The following PAG1 variants were observed in gnomAD, a reference collection of about 807,000 sequenced individuals.
PAG1 encodes the protein phosphoprotein membrane anchor with glycosphingolipid microdomains 1.
Under a neutral mutation model 31.7 loss-of-function variants are expected in PAG1, and 23 were observed. The observed-to-expected ratio is 0.73, with a 90% confidence interval of 0.52 to 1.03. The LOEUF is 1.03. Among genes scored for constraint, PAG1 ranks in the 50% least tolerant of loss-of-function variants. The probability of loss-of-function intolerance (pLI) is 0.00; values close to 1 mark genes in which losing one functional copy is unlikely to be tolerated. For synonymous variants in PAG1, 214 were observed against 210.3 expected (o/e 1.02, Z -0.15); for missense variants, 473 against 540.7 (o/e 0.87, Z 1.24).
chr8:81,028,978 G>T (rs1320344493), intron 3 of PAG1, among the ~76,000 whole-genome samples: 1 of 152,200 alleles, frequency 6.6e-6, no homozygotes, highest in Non-Finnish European at 1.5e-5. Flanking sequence ...GGGCTAGGTA[G>T]TATCAACCAT....
chr8:81,107,788 C>A (rs79960016), intron 1 of PAG1, among the ~76,000 whole-genome samples: 1 of 152,200 alleles, frequency 6.6e-6, no homozygotes, highest in South Asian at 2.1e-4. Context: ...CAGCAATGAG[C>A]GAGCCCTCAG....
chr8:81,025,622 G>A (rs886336524), intron 3 of PAG1, among the ~76,000 whole-genome samples: 1 of 152,178 alleles, frequency 6.6e-6, no homozygotes, highest in African/African-American at 2.4e-5. Context: ...CACCAGTGAA[G>A]AAGCTGTAAA....
intron 2 of PAG1, among the ~76,000 whole-genome samples, chr8:81,052,129 C>CA (rs769477091): frequency 0.016 from 1,156 of 73,916 alleles, 7 homozygotes; most frequent in Middle Eastern, 0.042. Flanking sequence ...GACTCCATCT[C>CA]AAAAAAAAAA....
At chr8:81,011,193 T>C (rs1807977198) in intron 3 of PAG1, among the ~76,000 whole-genome samples, 2 of 152,218 alleles carry the variant, frequency 1.3e-5, no homozygotes, top group Non-Finnish European at 2.9e-5. Flanking sequence ...TTTGCAGCTA[T>C]AACTAAGGCA....
At chr8:81,041,968 C>T (rs936124953) in intron 2 of PAG1, among the ~76,000 whole-genome samples, 8 of 152,164 alleles carry the variant, frequency 5.3e-5, no homozygotes, top group Non-Finnish European at 7.3e-5. Flanking sequence ...GGTGGTCCCC[C>T]AAAGGGTGCA....
chr8:81,061,845 C>T (rs1356878635), intron 2 of PAG1, among the ~76,000 whole-genome samples: 3 of 152,042 alleles, frequency 2.0e-5, no homozygotes, highest in South Asian at 2.1e-4. Flanking sequence ...AGCCCGTAAG[C>T]GGAGATCTGA....
intron 5 of PAG1, 63 bp downstream of exon 5, chr8:80,991,416 G>A: frequency 6.3e-6 from 8 of 1,275,624 alleles, no homozygotes; most frequent in Non-Finnish European, 9.2e-6. Context: ...AGCACACTTA[G>A]ATAAGTAGCT....
At chr8:80,988,390 C>T (rs1178497140) in intron 5 of PAG1, among the ~76,000 whole-genome samples, 1 of 152,218 alleles carries the variant, frequency 6.6e-6, no homozygotes, top group Admixed American at 6.5e-5. Flanking sequence ...TTAGAACCAG[C>T]AAAGCCTCTG....
intron 2 of PAG1, among the ~76,000 whole-genome samples, chr8:81,044,414 T>C (rs909897979): frequency 2.6e-5 from 4 of 152,148 alleles, no homozygotes; most frequent in African/African-American, 4.8e-5. Context: ...TCTGAAGCCA[T>C]AGGCAAAGGC....
intron 1 of PAG1, among the ~76,000 whole-genome samples, chr8:81,085,489 A>G (rs768994617): frequency 6.6e-6 from 1 of 152,242 alleles, no homozygotes; most frequent in Non-Finnish European, 1.5e-5. Context: ...TTCCTAGAAT[A>G]ACAAGAGTCC....
chr8:81,001,582 C>G (rs887568126), intron 3 of PAG1, among the ~76,000 whole-genome samples: 1 of 152,036 alleles, frequency 6.6e-6, no homozygotes, highest in Non-Finnish European at 1.5e-5. Flanking sequence ...CCAAGAGGCT[C>G]GCTACATACC....
At chr8:81,009,971 A>G (rs774753328) in intron 3 of PAG1, among the ~76,000 whole-genome samples, 3 of 152,160 alleles carry the variant, frequency 2.0e-5, no homozygotes, top group Non-Finnish European at 2.9e-5. Flanking sequence ...GGCTTAATAG[A>G]TCAGGAATGG....
Position 80,976,896 on chromosome 8 carries a change from A to C in PAG1, c.947T>G (p.Met316Arg), listed in dbSNP as rs767437263. ...TCCAGGTTTATTTACTGATGAGTAC[A>C]TAGCTGAGATCTAGGAGACAAAGGG... Reference protein sequence around the residue: ...PTLTEEEISAMYSSVNKPGQL... With the variant: ...PTLTEEEISARYSSVNKPGQL... Residue 316 changes from methionine to arginine, a missense_variant, in exon 9 of 9, where the codon ATG (methionine) becomes AGG (arginine). By Grantham distance (91) the Met-to-Arg change is moderately conservative (BLOSUM62 -1). Transcript: ENST00000220597. 2 of 1,605,152 alleles carry C rather than the reference A, an allele frequency of 1.2e-6. No homozygotes were observed. Among genetic ancestry groups the C allele is most frequent in the Non-Finnish European group, 1.7e-6 (2 of 1,176,548 alleles).
intron 3 of PAG1, among the ~76,000 whole-genome samples, chr8:81,007,962 G>A (rs1807915563): frequency 6.6e-6 from 1 of 152,076 alleles, no homozygotes; most frequent in South Asian, 2.1e-4. Flanking sequence ...TACAAAACAG[G>A]ACAAGAAGAT....
intron 3 of PAG1, among the ~76,000 whole-genome samples, chr8:81,004,764 C>T (rs1807845223): frequency 6.6e-6 from 1 of 152,204 alleles, no homozygotes; most frequent in African/African-American, 2.4e-5. Flanking sequence ...GGCATTGATG[C>T]AGCTGCAATG....
chr8:81,104,093 C>A (rs1809653360), intron 1 of PAG1, among the ~76,000 whole-genome samples: 1 of 152,200 alleles, frequency 6.6e-6, no homozygotes. Context: ...CCTTTCCCAC[C>A]CACCTTCCAC....
intron 1 of PAG1, among the ~76,000 whole-genome samples, chr8:81,098,349 T>C (rs900705724): frequency 2.0e-5 from 3 of 152,254 alleles, no homozygotes; most frequent in African/African-American, 7.2e-5. Flanking sequence ...ACTTCTGAGC[T>C]GTGTGGGTCC....
intron 1 of PAG1, among the ~76,000 whole-genome samples, chr8:81,088,759 A>G: frequency 6.6e-6 from 1 of 152,252 alleles, no homozygotes; most frequent in Non-Finnish European, 1.5e-5. Flanking sequence ...GCCAGTGGAA[A>G]GATATAGAAA....
intron 1 of PAG1, among the ~76,000 whole-genome samples, chr8:81,073,641 T>C (rs1809129090): frequency 6.6e-6 from 1 of 152,180 alleles, no homozygotes; most frequent in Non-Finnish European, 1.5e-5. Flanking sequence ...ATCCAAATAC[T>C]TTCTTTAAGG....
Sources: allele counts gnomAD v4.1 joint callset (sites outside exome capture counted in the v4.1 genomes callset), GRCh38; gene constraint gnomAD v4.1.1; transcripts MANE v1.5; gene names NCBI Gene and HGNC (gene_info 2026-07-23, HGNC 2026-07-21).